The following PLEKHA5 variants were observed in gnomAD, a reference collection of about 807,000 sequenced individuals.
PLEKHA5 encodes pleckstrin homology domain-containing family A member 5.
In PLEKHA5, 55 loss-of-function variants were observed where a neutral mutation model predicts 181.9. That is an observed-to-expected ratio of 0.30 (90% CI 0.24 to 0.38). PLEKHA5 has a LOEUF of 0.38. Among genes scored for constraint, PLEKHA5 ranks in the 10% least tolerant of loss-of-function variants. The probability of loss-of-function intolerance (pLI) is 1.00; values close to 1 mark genes in which losing one functional copy is unlikely to be tolerated. For synonymous variants in PLEKHA5, 535 were observed against 529.4 expected, an observed-to-expected ratio of 1.01 and a Z score of -0.15; for missense variants, 1,432 against 1,549.5, an observed-to-expected ratio of 0.92 and a Z score of 1.27.
chr12:19,314,988 G>T (rs1023281404), intron 16 of PLEKHA5, 94 bp downstream of exon 16: 3 of 700,188 alleles, frequency 4.3e-6, no homozygotes, highest in Non-Finnish European at 7.7e-6. Context: ...CATGACATCA[G>T]TGTTTTTCTT....
chr12:19,366,784 G>C (rs942444732), intron 30 of PLEKHA5, among the ~76,000 whole-genome samples: 1 of 152,142 alleles, frequency 6.6e-6, no homozygotes, highest in Non-Finnish European at 1.5e-5. Context: ...GAATGGGTTT[G>C]TTTACTCCAG....
At chr12:19,348,626 A>G in intron 25 of PLEKHA5, 107 bp downstream of exon 25, 2 of 733,920 alleles carry the variant, frequency 2.7e-6, no homozygotes. Context: ...TATGAGTCCA[A>G]CCCTTTATCT....
chr12:19,347,661 A>G (rs2094404295), intron 24 of PLEKHA5, among the ~76,000 whole-genome samples: 1 of 152,146 alleles, frequency 6.6e-6, no homozygotes, highest in African/African-American at 2.4e-5. Flanking sequence ...GTTTAGGGTT[A>G]AGCAAATAAT....
At chr12:19,196,749 G>A (rs1050555427) in intron 3 of PLEKHA5, among the ~76,000 whole-genome samples, 4 of 151,194 alleles carry the variant, frequency 2.6e-5, no homozygotes, top group South Asian at 2.1e-4. Flanking sequence ...GGCTGCTATC[G>A]TGTTGCTGCC....
chr12:19,160,726 A>T (rs1489844853), intron 3 of PLEKHA5, among the ~76,000 whole-genome samples: 1 of 152,120 alleles, frequency 6.6e-6, no homozygotes, highest in African/African-American at 2.4e-5. Context: ...CTGCCTTTTC[A>T]GCCTTCTTTT....
intron 3 of PLEKHA5, among the ~76,000 whole-genome samples, chr12:19,242,840 G>T (rs1289316122): frequency 3.3e-5 from 5 of 152,052 alleles, no homozygotes; most frequent in Admixed American, 2.6e-4. Context: ...CTTTATAATT[G>T]TTATTATTTG....
chr12:19,354,035 T>TTAA, intron 26 of PLEKHA5, 33 bp downstream of exon 26: 3 of 1,028,650 alleles, frequency 2.9e-6, no homozygotes, highest in Non-Finnish European at 4.5e-6. Context: ...TCTAGGAAGA[T>TTAA]TCTCACATCT....
chr12:19,130,984 T>G lies in PLEKHA5; in HGVS notation c.169+854T>G, dbSNP rs2033625227. On this transcript the variant is annotated intron_variant, in intron 2 of 31. Coordinates refer to ENST00000429027, the MANE Select transcript of PLEKHA5 (RefSeq NM_001256470.2). The surrounding 1 kb of genome is among the most constrained non-coding windows in gnomAD (Gnocchi z 4.5). ...GCTCTCTCGGGTGGCTTTGGGAGCT[T>G]GTTTGAATGCTAAGTGTGAGTGGAG... 1 of 152,372 alleles carries G rather than the reference T, an allele frequency of 6.6e-6. No individual in the cohort carries two copies. 9.4% of individuals were successfully genotyped at this position (152,372 alleles called of 1,614,324 possible). A position where few individuals can be genotyped will look rare whatever the true frequency, so the allele number is the denominator to read the frequency against.
intron 10 of PLEKHA5, among the ~76,000 whole-genome samples, chr12:19,272,969 C>T (rs560575621): frequency 6.6e-4 from 101 of 152,142 alleles, no homozygotes; most frequent in Admixed American, 1.7e-3. Flanking sequence ...TGCAGTGGCA[C>T]GATCTCAGCT....
chr12:19,354,520 G>A (rs1289131471), intron 26 of PLEKHA5, among the ~76,000 whole-genome samples: 6 of 139,018 alleles, frequency 4.3e-5, no homozygotes, highest in Non-Finnish European at 6.1e-5. Context: ...TCGCTCTCTC[G>A]CCTGGGCTGG....
intron 3 of PLEKHA5, among the ~76,000 whole-genome samples, chr12:19,214,844 C>G (rs974505471): frequency 2.6e-5 from 4 of 151,184 alleles, no homozygotes; most frequent in African/African-American, 7.3e-5. Flanking sequence ...TGGGTAGATG[C>G]TGCCTTTCAT....
intron 7 of PLEKHA5, among the ~76,000 whole-genome samples, chr12:19,264,229 C>A (rs1015287241): frequency 6.6e-6 from 1 of 152,058 alleles, no homozygotes; most frequent in African/African-American, 2.4e-5. Flanking sequence ...AAAACAGATA[C>A]TAAGCATCAA....
chr12:19,157,659 C>T (rs971383117), intron 3 of PLEKHA5, among the ~76,000 whole-genome samples: 10 of 152,072 alleles, frequency 6.6e-5, no homozygotes, highest in Admixed American at 2.0e-4. Flanking sequence ...CCAATCTACC[C>T]GTCAGTTATT....
intron 20 of PLEKHA5, among the ~76,000 whole-genome samples, chr12:19,325,465 G>A (rs879547589): frequency 4.0e-5 from 6 of 150,444 alleles, no homozygotes; most frequent in South Asian, 2.1e-4. Context: ...CGAGACGGGC[G>A]GATCACAAGG....
rs148245345 is a variant in PLEKHA5 at position 19,222,633 on chromosome 12, A to G, written c.228-31307A>G. Among the ~76,000 whole-genome samples, 4 of 152,284 alleles carry G rather than the reference A, an allele frequency of 2.6e-5. No homozygotes were observed. The East Asian group carries it at 7.7e-4, about 29-fold the overall frequency. On this transcript the variant is annotated intron_variant, in intron 3 of 31. Coordinates refer to ENST00000429027, the MANE Select transcript of PLEKHA5 (RefSeq NM_001256470.2). ...GTGGAAAGTCAGTACCGGAGAAAAT[A>G]TGTGTTTGAGTCAGACCCACAGGGA...
chr12:19,229,523 T>A (rs1338375453), intron 3 of PLEKHA5, among the ~76,000 whole-genome samples: 1 of 152,002 alleles, frequency 6.6e-6, no homozygotes, highest in Admixed American at 6.5e-5. Flanking sequence ...TGTCTAGAGT[T>A]GTTCATTCCT....
At chr12:19,230,738 C>T (rs189789547) in intron 3 of PLEKHA5, among the ~76,000 whole-genome samples, 1 of 152,222 alleles carries the variant, frequency 6.6e-6, no homozygotes, top group East Asian at 2.0e-4. Context: ...GCACCTCTCC[C>T]TCCACCCCTC....
intron 3 of PLEKHA5, chr12:19,154,140 T>C (rs1294048150): frequency 2.0e-5 from 3 of 152,214 alleles, no homozygotes; most frequent in African/African-American, 7.2e-5. Flanking sequence ...CCTCCGGTAG[T>C]ACTTGTGCCT....
chr12:19,244,788 G>C (rs980620714), intron 3 of PLEKHA5, among the ~76,000 whole-genome samples: 2 of 152,150 alleles, frequency 1.3e-5, no homozygotes, highest in Non-Finnish European at 2.9e-5. Context: ...TTACATATAT[G>C]AAACACTGCA....
Sources: allele counts gnomAD v4.1 joint callset (sites outside exome capture counted in the v4.1 genomes callset), GRCh38; gene constraint gnomAD v4.1.1; non-coding constraint Gnocchi (gnomAD v3.1); transcripts MANE v1.5; gene names NCBI Gene and HGNC (gene_info 2026-07-23, HGNC 2026-07-21).